EXT1: variants seen among roughly 807,000 people sequenced by gnomAD.
The protein encoded by EXT1 is exostosin glycosyltransferase 1.
EXT1 carries 20 observed loss-of-function variants against 82.5 expected under a neutral mutation model. The ratio of observed to expected loss-of-function variants is 0.24; its 90% confidence interval spans 0.17 to 0.35. The LOEUF (loss-of-function observed/expected upper bound fraction) is 0.35. Ranked by LOEUF, EXT1 falls within the 10% of genes least tolerant of loss-of-function variation. EXT1 has a pLI of 1.00. For missense variants in EXT1, 757 were observed against 936.5 expected (o/e 0.81, Z 2.50); for synonymous variants, 348 against 350.8 (o/e 0.99, Z 0.09).
chr8:118,032,141 G>A lies in EXT1; in HGVS notation c.962+77944C>T, dbSNP rs183510319. ...GCCATTACTCAATGGCCAAAACCGC[G>A]ATGACTTTTGCACCGACCTAATAAA... On this transcript the variant is annotated intron_variant, in intron 1 of 10. Transcript: ENST00000378204. Among the ~76,000 whole-genome samples the A allele has an allele frequency of 3.0e-3, 419 of 139,444 alleles. 3 individuals are homozygous for A. The highest frequency in any genetic ancestry group is 0.01 in the African/African-American group (400 of 39,140). 91.5% of individuals were successfully genotyped at this position (139,444 alleles called of 152,430 possible).
chr8:117,913,633 C>T (rs1427014497), intron 1 of EXT1, among the ~76,000 whole-genome samples: 1 of 152,170 alleles, frequency 6.6e-6, no homozygotes, highest in Non-Finnish European at 1.5e-5. Flanking sequence ...ATGTCATCCT[C>T]AGCAAAGAGA....
intron 1 of EXT1, among the ~76,000 whole-genome samples, chr8:117,873,529 C>T (rs1202685748): frequency 2.1e-5 from 3 of 145,186 alleles, no homozygotes; most frequent in Admixed American, 7.1e-5. Flanking sequence ...GATCTCGGCT[C>T]ACTATAACCT....
At chr8:118,109,935 A>G (rs1388218698) in intron 1 of EXT1, 150 bp downstream of exon 1, 7 of 1,275,732 alleles carry the variant, frequency 5.5e-6, no homozygotes, top group Non-Finnish European at 7.7e-6. Context: ...CTAGCTGCAC[A>G]CCCGAACCGG....
intron 1 of EXT1, among the ~76,000 whole-genome samples, chr8:117,998,355 G>C (rs899454554): frequency 1.3e-5 from 2 of 152,082 alleles, no homozygotes; most frequent in Non-Finnish European, 2.9e-5. Flanking sequence ...TGTTACCCAG[G>C]CTGGAGTACA....
chr8:118,013,890 G>C (rs543926205), intron 1 of EXT1, among the ~76,000 whole-genome samples: 1 of 152,280 alleles, frequency 6.6e-6, no homozygotes, highest in East Asian at 1.9e-4. Flanking sequence ...GTCATGTAAA[G>C]ATCTTAAATC....
chr8:118,003,412 T>A (rs200889056), intron 1 of EXT1, among the ~76,000 whole-genome samples: 9 of 149,884 alleles, frequency 6.0e-5, no homozygotes, highest in African/African-American at 1.7e-4. Context: ...TAAAAAAAAA[T>A]TAAAAAAAAA....
intron 1 of EXT1, among the ~76,000 whole-genome samples, chr8:117,931,221 A>G (rs1405253683): frequency 1.3e-5 from 2 of 152,152 alleles, no homozygotes; most frequent in Non-Finnish European, 2.9e-5. Context: ...ACTTTATTCT[A>G]TGGAGTCGCC....
intron 1 of EXT1, among the ~76,000 whole-genome samples, chr8:118,018,061 G>A (rs964709503): frequency 2.0e-5 from 3 of 152,160 alleles, no homozygotes; most frequent in Admixed American, 6.5e-5. Context: ...CCAATGTATA[G>A]AACAGTGTGA....
intron 1 of EXT1, among the ~76,000 whole-genome samples, chr8:118,068,170 A>G (rs1817025698): frequency 6.6e-6 from 1 of 152,244 alleles, no homozygotes; most frequent in Non-Finnish European, 1.5e-5. Flanking sequence ...ACAGTGCCAG[A>G]GCTGAGCCTG....
At chr8:118,006,810 G>C (rs1476328456) in intron 1 of EXT1, among the ~76,000 whole-genome samples, 1 of 152,098 alleles carries the variant, frequency 6.6e-6, no homozygotes, top group Admixed American at 6.5e-5. Context: ...TTGTAAGAGT[G>C]GCCTGAGGCA....
At chr8:118,086,830 G>T (rs893093985) in intron 1 of EXT1, among the ~76,000 whole-genome samples, 2 of 152,118 alleles carry the variant, frequency 1.3e-5, no homozygotes, top group African/African-American at 4.8e-5. Flanking sequence ...AATTAGTTTT[G>T]TAGTAGACAG....
At chr8:118,073,635 AAGAGAAGAGAAGAGAAGAG>A (rs1297840741) in intron 1 of EXT1, among the ~76,000 whole-genome samples, 2 of 29,300 alleles carry the variant, frequency 6.8e-5, no homozygotes, top group African/African-American at 1.0e-4. Flanking sequence ...GAAGAGAAAG[AAGAGAAGAGAAGAGAAGAG>A]AAGAGAAGAG....
At chr8:117,847,445 C>T (rs1427752984) in intron 1 of EXT1, among the ~76,000 whole-genome samples, 1 of 151,716 alleles carries the variant, frequency 6.6e-6, no homozygotes, top group Non-Finnish European at 1.5e-5. Flanking sequence ...TTTCTCCCTG[C>T]ACGCTGATGA....
rs539402751 is a variant in EXT1, at chr8:117,817,745, G to A, written c.1632+690C>T. Among the ~76,000 whole-genome samples the A allele has an allele frequency of 4.6e-5, 7 of 152,310 alleles. No homozygotes were observed. In the East Asian group the frequency reaches 9.7e-4, roughly 21 times the overall value. ...TCAAATGTAGTAGGGGGCAGGGTCTGTAGGGGAAAGCAATGAGAGAAAAGA... is the reference window on the plus strand; with the variant it reads ...TCAAATGTAGTAGGGGGCAGGGTCTATAGGGGAAAGCAATGAGAGAAAAGA... On this transcript the variant is annotated intron_variant, in intron 7 of 10. Transcript: ENST00000378204.
intron 1 of EXT1, among the ~76,000 whole-genome samples, chr8:117,900,733 G>A (rs1002983863): frequency 2.0e-5 from 3 of 152,204 alleles, no homozygotes; most frequent in Non-Finnish European, 4.4e-5. Context: ...TAAGCCCTCT[G>A]CTCTCACAAG....
intron 1 of EXT1, among the ~76,000 whole-genome samples, chr8:117,984,663 T>C (rs1207111043): frequency 1.3e-5 from 2 of 151,990 alleles, no homozygotes; most frequent in South Asian, 2.1e-4. Context: ...ATGATGTGGA[T>C]TTTTTCCTTG....
chr8:117,917,142 T>A (rs1428140509), intron 1 of EXT1, among the ~76,000 whole-genome samples: 1 of 152,126 alleles, frequency 6.6e-6, no homozygotes, highest in African/African-American at 2.4e-5. Flanking sequence ...TAAAGATCTT[T>A]TCATAAATAG....
At chr8:118,056,896 G>A (rs1028223248) in intron 1 of EXT1, among the ~76,000 whole-genome samples, 1 of 152,150 alleles carries the variant, frequency 6.6e-6, no homozygotes, top group African/African-American at 2.4e-5. Flanking sequence ...ACAGGATGAC[G>A]ACTCAGTCAG....
intron 1 of EXT1, among the ~76,000 whole-genome samples, chr8:117,968,313 T>A (rs1814864120): frequency 6.6e-6 from 1 of 152,060 alleles, no homozygotes; most frequent in South Asian, 2.1e-4. Flanking sequence ...ATTTTAAAGG[T>A]CTCGTTGTGT....
Sources: gnomAD v4.1 joint callset for allele counts (sites outside exome capture counted in the v4.1 genomes callset) on GRCh38, gnomAD v4.1.1 for gene constraint, MANE v1.5 for transcripts, NCBI Gene and HGNC (gene_info 2026-07-23, HGNC 2026-07-21) for gene names.